Variants in AK8 observed in about 807,000 individuals in gnomAD.
AK8 encodes the protein adenylate kinase 8, also known as ATP-AMP transphosphorylase 8.
A neutral mutation model predicts 54.6 loss-of-function variants in AK8; 44 were observed. The observed-to-expected ratio is 0.81, with a 90% CI of 0.63 to 1.04. The LOEUF is 1.04. Among genes scored for constraint, AK8 ranks in the 50% least tolerant of loss-of-function variants. The pLI is 0.00. For missense variants in AK8, 555 were observed against 613.6 expected, an observed-to-expected ratio of 0.90 and a Z score of 1.01; for synonymous variants, 239 against 245.6, an observed-to-expected ratio of 0.97 and a Z score of 0.25.
intron 4 of AK8, among the ~76,000 whole-genome samples, chr9:132,859,956 G>A (rs214636): frequency 0.35 from 53,490 of 151,884 alleles, 11,420 homozygotes; most frequent in South Asian, 0.57. Context: ...TCCCTTTCAC[G>A]GTGTTCGGCG....
chr9:132,825,800 T>C (rs1841845525), intron 8 of AK8, among the ~76,000 whole-genome samples: 6 of 152,174 alleles, frequency 3.9e-5, no homozygotes, highest in Admixed American at 3.9e-4. Flanking sequence ...TTGGAGAGTT[T>C]TGAGAGAATA....
chr9:132,871,893 G>A (rs1843853765), intron 2 of AK8, among the ~76,000 whole-genome samples: 2 of 152,244 alleles, frequency 1.3e-5, no homozygotes, highest in South Asian at 4.1e-4. Context: ...TTCTGATGAA[G>A]TGGATAGTTT....
intron 1 of AK8, among the ~76,000 whole-genome samples, chr9:132,877,278 G>A (rs1844159081): frequency 2.0e-5 from 3 of 152,176 alleles, no homozygotes; most frequent in Admixed American, 2.0e-4. Context: ...ACTTTCCGAG[G>A]GAAATGTGTT....
At chr9:132,864,941 T>C (rs1476746958) in intron 3 of AK8, among the ~76,000 whole-genome samples, 1 of 152,212 alleles carries the variant, frequency 6.6e-6, no homozygotes, top group Admixed American at 6.5e-5. Flanking sequence ...AGCTTGTCTG[T>C]CTAAATGCAG....
At chr9:132,766,966 A>G (rs1455260973) in intron 11 of AK8, among the ~76,000 whole-genome samples, 1 of 152,218 alleles carries the variant, frequency 6.6e-6, no homozygotes, top group Non-Finnish European at 1.5e-5. Flanking sequence ...CTCTCCTCAT[A>G]GACAAAAATC....
intron 10 of AK8, among the ~76,000 whole-genome samples, chr9:132,798,948 T>C (rs1462087317): frequency 1.3e-5 from 2 of 152,086 alleles, no homozygotes; most frequent in African/African-American, 4.8e-5. Context: ...TTGGGCTCCC[T>C]CCCGCACAGC....
upstream of AK8, chr9:132,878,492 G>C: frequency 8.3e-7 from 1 of 1,207,974 alleles, no homozygotes; most frequent in African/African-American, 1.6e-5. This position sits in a 1 kb window ranked among gnomAD's most constrained non-coding sequence, Gnocchi z 4.7. Context: ...TCTTAGCGGG[G>C]GACACCCTCA....
chr9:132,791,373 A>T lies in AK8; in HGVS notation c.1121+1261T>A, dbSNP rs1588134651. ...CCAGGTCCCTCCCTAACATGTGGGG[A>T]TTATAGTTCAAGATGAGATTTGGGT... On this transcript the variant is annotated intron_variant, in intron 11 of 12. Transcript: ENST00000298545. The surrounding 1 kb of genome is among the most constrained non-coding windows in gnomAD (Gnocchi z 4.0). 6.6e-6 allele frequency among the ~76,000 whole-genome samples: 1 copy of T among 152,188 alleles called. No individual in the cohort carries two copies. The highest frequency in any genetic ancestry group is 1.9e-4 in the East Asian group (1 of 5,198).
intron 11 of AK8, among the ~76,000 whole-genome samples, chr9:132,729,062 A>G (rs1207336012): frequency 2.0e-5 from 3 of 151,898 alleles, no homozygotes; most frequent in East Asian, 1.9e-4. Context: ...TTTGTTATCT[A>G]TTTTTCAGAG....
intron 11 of AK8, among the ~76,000 whole-genome samples, chr9:132,780,339 T>G (rs1588122982): frequency 6.6e-6 from 1 of 152,116 alleles, no homozygotes; most frequent in African/African-American, 2.4e-5. Context: ...CTGCGCTGAG[T>G]GCGGAAGTGA....
Position 132,826,996 on chromosome 9 carries a change from C to G in AK8, c.615G>C (p.Met205Ile), listed in dbSNP as rs921915840. 3.1e-6 allele frequency: 5 copies of G among 1,614,260 alleles called. No individual in the cohort carries two copies. Among genetic ancestry groups the G allele is most frequent in the Non-Finnish European group, 4.2e-6 (5 of 1,180,050 alleles). ...PPESEIQNRL[M>I]VPEDISELET... ...CCAGCTCTGAGATGTCCTCTGGCACCATGAGACGGTTCTGGATTTCAGATT... is the reference window on the plus strand; with the variant it reads ...CCAGCTCTGAGATGTCCTCTGGCACGATGAGACGGTTCTGGATTTCAGATT... Residue 205 changes from methionine (M) to isoleucine (I), a missense_variant, in exon 8 of 13, where the codon ATG becomes ATC. Physicochemically the swap from Met to Ile is conservative, Grantham distance 10. Coordinates refer to ENST00000298545, the MANE Select transcript of AK8 (RefSeq NM_152572.3). This position sits in a 1 kb window ranked among gnomAD's most constrained non-coding sequence, Gnocchi z 4.5.
intron 11 of AK8, among the ~76,000 whole-genome samples, chr9:132,763,796 C>T (rs1312119414): frequency 6.6e-6 from 1 of 152,188 alleles, no homozygotes; most frequent in African/African-American, 2.4e-5. Flanking sequence ...TAATTAAAGT[C>T]TGCTGAATTT....
intron 1 of AK8, among the ~76,000 whole-genome samples, chr9:132,875,992 C>G (rs974533526): frequency 6.6e-6 from 1 of 152,202 alleles, no homozygotes; most frequent in African/African-American, 2.4e-5. Flanking sequence ...GGTTGCAGAA[C>G]CCTAGGCAGA....
intron 4 of AK8, among the ~76,000 whole-genome samples, chr9:132,858,766 G>C (rs1843273628): frequency 6.6e-6 from 1 of 152,190 alleles, no homozygotes; most frequent in Non-Finnish European, 1.5e-5. Flanking sequence ...GGGAGGGGGA[G>C]ACAGGAGGGT....
Position 132,813,352 on chromosome 9 carries a change from G to A in AK8, c.979+1286C>T, listed in dbSNP as rs543936781. Among the ~76,000 whole-genome samples, 5 of 152,300 alleles carry A rather than the reference G, an allele frequency of 3.3e-5. No homozygotes were observed. In the East Asian group the frequency reaches 9.6e-4, roughly 29 times the overall value. ...TCCCGGGGAGGCCCAAGCAGAGGATGGCTGGGAGGACAGAGCCTGTTTTCA... is the reference window on the plus strand; with the variant it reads ...TCCCGGGGAGGCCCAAGCAGAGGATAGCTGGGAGGACAGAGCCTGTTTTCA... On this transcript the variant is annotated intron_variant, in intron 10 of 12. Coordinates refer to ENST00000298545, the MANE Select transcript of AK8 (RefSeq NM_152572.3).
chr9:132,834,367 A>C (rs1365349621), intron 5 of AK8, among the ~76,000 whole-genome samples: 1 of 152,214 alleles, frequency 6.6e-6, no homozygotes, highest in Non-Finnish European at 1.5e-5. Context: ...GGTTTATACA[A>C]AAACATAAAA....
At position 132,839,820 on chromosome 9, in the gene AK8, C is replaced by CGGG. The variant is rs11368446; in HGVS notation, c.403-11097_403-11095dup. 9.3e-3 allele frequency among the ~76,000 whole-genome samples: 686 copies of CGGG among 73,540 alleles called. 41 individuals are homozygous for CGGG. The highest frequency in any genetic ancestry group is 0.017 in the African/African-American group (284 of 16,666). 48.2% of individuals were successfully genotyped at this position (73,540 alleles called of 152,430 possible). ...ATTGTAAAGAAAACATTTTTTTTGCCGGGGGGGGGGGCGCAGGGACGGAGC... is the reference window on the plus strand; with the variant it reads ...ATTGTAAAGAAAACATTTTTTTTGCCGGGGGGGGGGGGGGCGCAGGGACGGAGC... On this transcript the variant is annotated intron_variant, in intron 5 of 12. Transcript: ENST00000298545.
intron 2 of AK8, among the ~76,000 whole-genome samples, chr9:132,872,840 C>G (rs1843910306): frequency 6.6e-6 from 1 of 152,194 alleles, no homozygotes; most frequent in Non-Finnish European, 1.5e-5. Context: ...GAGACAGAGT[C>G]TCGCTCTTTC....
intron 1 of AK8, among the ~76,000 whole-genome samples, chr9:132,876,583 A>T (rs1482922630): frequency 6.6e-6 from 1 of 152,228 alleles, no homozygotes; most frequent in African/African-American, 2.4e-5. Context: ...AGTTCAGGTA[A>T]TCCTATTGTA....
Sources: gnomAD v4.1 joint callset for allele counts (sites outside exome capture counted in the v4.1 genomes callset) on GRCh38, gnomAD v4.1.1 for gene constraint, Gnocchi (gnomAD v3.1) non-coding constraint, MANE v1.5 for transcripts, NCBI Gene and HGNC (gene_info 2026-07-23, HGNC 2026-07-21) for gene names.